PCDH15: variants seen among roughly 807,000 people sequenced by gnomAD.
PCDH15 encodes protocadherin related 15.
In PCDH15, 129 loss-of-function variants were observed where a neutral mutation model predicts 178.5. That is an observed-to-expected ratio of 0.72 (90% confidence interval 0.63 to 0.84). The LOEUF (loss-of-function observed/expected upper bound fraction) is 0.84. PCDH15 is among the 40% of genes least tolerant of loss of function. The probability of loss-of-function intolerance (pLI) is 0.00; values close to 1 mark genes in which losing one functional copy is unlikely to be tolerated. For synonymous variants in PCDH15, 800 were observed against 732.0 expected (o/e 1.09, Z -1.50); for missense variants, 2,230 against 2,099.9 (o/e 1.06, Z -1.21).
At chr10:54,261,091 C>T (rs6481078) in intron 8 of PCDH15, among the ~76,000 whole-genome samples, 104,244 of 151,908 alleles carry the variant, frequency 0.69, 36,715 homozygotes, top group Middle Eastern at 0.76. Flanking sequence ...CTCTTAGAGA[C>T]AAAATAATCA....
intron 8 of PCDH15, among the ~76,000 whole-genome samples, chr10:54,286,341 A>G (rs2059023795): frequency 6.6e-6 from 1 of 152,164 alleles, no homozygotes; most frequent in African/African-American, 2.4e-5. Flanking sequence ...ATGTGTCAAA[A>G]ACAAAATTTT....
intron 2 of PCDH15, among the ~76,000 whole-genome samples, chr10:54,990,623 ATACAG>A (rs1475206380): frequency 6.6e-6 from 1 of 152,186 alleles, no homozygotes; most frequent in East Asian, 1.9e-4. Context: ...TAGGTAATAC[ATACAG>A]TACATGTTTA....
chr10:54,877,960 T>TGAAACGGAG, intron 3 of PCDH15, among the ~76,000 whole-genome samples: 1 of 39,482 alleles, frequency 2.5e-5, no homozygotes, highest in Non-Finnish European at 4.7e-5. Context: ...TTTTTTTTTT[T>TGAAACGGAG]TTTTTTTTTT....
intron 2 of PCDH15, among the ~76,000 whole-genome samples, chr10:55,128,245 T>A (rs1418504730): frequency 6.6e-6 from 1 of 151,978 alleles, no homozygotes; most frequent in Non-Finnish European, 1.5e-5. Context: ...TTTTTTCTAT[T>A]TGCATATTAA....
chr10:53,985,548 A>T (rs2091036387), intron 21 of PCDH15, among the ~76,000 whole-genome samples: 1 of 152,160 alleles, frequency 6.6e-6, no homozygotes, highest in African/African-American at 2.4e-5. Context: ...GAAGCCAAAC[A>T]AGCTGTAGCA....
intron 2 of PCDH15, among the ~76,000 whole-genome samples, chr10:55,352,383 T>G (rs1383087328): frequency 6.6e-6 from 1 of 152,094 alleles, no homozygotes; most frequent in Non-Finnish European, 1.5e-5. Flanking sequence ...TGCATTTGGC[T>G]CAGGAGTTGC....
At chr10:55,254,085 G>C (rs16907178) in intron 1 of PCDH15, among the ~76,000 whole-genome samples, 2 of 152,088 alleles carry the variant, frequency 1.3e-5, no homozygotes, top group Non-Finnish European at 1.5e-5. Context: ...GCATGAAAAC[G>C]CATTTATTAC....
chr10:54,439,936 A>T (rs73255923), intron 3 of PCDH15, among the ~76,000 whole-genome samples: 3,791 of 152,152 alleles, frequency 0.025, 169 homozygotes, highest in African/African-American at 0.087. Flanking sequence ...CTACGAATAG[A>T]TTTATCCTTA....
At chr10:54,897,514 G>T (rs985646063) in intron 2 of PCDH15, 8 of 152,120 alleles carry the variant, frequency 5.3e-5, no homozygotes, top group Non-Finnish European at 1.2e-4. Context: ...TAAATAAAAA[G>T]AACTTATTCA....
rs191274811 is a variant in PCDH15, at chr10:54,902,372, A to T, written c.-79-4872T>A. ...GAGGCTGGTGGGAGATGATTGGATT[A>T]TGGGGTCAGATTTCTCCCTTGTCAT... On this transcript the variant is annotated intron_variant, in intron 2 of 5. Coordinates refer to the PCDH15 transcript ENST00000458638. 3.3e-5 allele frequency among the ~76,000 whole-genome samples: 5 copies of T among 152,238 alleles called. No homozygotes were observed. In the East Asian group the frequency reaches 7.7e-4, roughly 24 times the overall value.
At chr10:54,732,082 C>A (rs1474858409) in intron 1 of PCDH15, among the ~76,000 whole-genome samples, 3 of 145,934 alleles carry the variant, frequency 2.1e-5, no homozygotes, top group Non-Finnish European at 3.0e-5. Flanking sequence ...TGAATCAATG[C>A]AAAAATTGGA....
intron 3 of PCDH15, among the ~76,000 whole-genome samples, chr10:54,382,358 A>C (rs1949346052): frequency 6.6e-6 from 1 of 152,174 alleles, no homozygotes; most frequent in Non-Finnish European, 1.5e-5. Context: ...GTAACTGCTA[A>C]TATAGACTCT....
intron 1 of PCDH15, among the ~76,000 whole-genome samples, chr10:54,778,600 A>G (rs1258294966): frequency 6.6e-6 from 1 of 152,186 alleles, no homozygotes; most frequent in Non-Finnish European, 1.5e-5. Flanking sequence ...GGAATAATGT[A>G]CAGTGGTAAA....
chr10:55,176,053 T>A (rs1839476139), intron 1 of PCDH15, among the ~76,000 whole-genome samples: 2 of 151,886 alleles, frequency 1.3e-5, no homozygotes. Context: ...CAAGGGCTCC[T>A]CTCTCCAGCT....
intron 1 of PCDH15, among the ~76,000 whole-genome samples, chr10:54,780,848 T>C (rs747344315): frequency 2.0e-5 from 3 of 151,914 alleles, no homozygotes; most frequent in Non-Finnish European, 2.9e-5. Context: ...TTGAATGATA[T>C]AGATGCCCGA....
intron 8 of PCDH15, among the ~76,000 whole-genome samples, chr10:54,303,253 G>A (rs1327541857): frequency 6.6e-6 from 1 of 151,932 alleles, no homozygotes; most frequent in African/African-American, 2.4e-5. Flanking sequence ...ATCTCTGTAT[G>A]CATTTTTTTT....
chr10:54,801,472 G>C (rs944140449), upstream of PCDH15, among the ~76,000 whole-genome samples: 1 of 152,164 alleles, frequency 6.6e-6, no homozygotes, highest in African/African-American at 2.4e-5. Flanking sequence ...CTGCTTTATT[G>C]TACTGTGTTC....
At chr10:55,321,109 AAGAG>A (rs1028486655), upstream of PCDH15, among the ~76,000 whole-genome samples, 3 of 152,054 alleles carry the variant, frequency 2.0e-5, no homozygotes, top group East Asian at 3.9e-4. Flanking sequence ...GAAGGAAGGA[AAGAG>A]AGAGAAAGAG....
chr10:53,903,196 AC>A (rs2082437383), intron 26 of PCDH15, 46 bp downstream of exon 26: 1 of 1,606,578 alleles, frequency 6.2e-7, no homozygotes, highest in Admixed American at 1.7e-5. Flanking sequence ...TATCTGCAAA[AC>A]CTGAGCTTTT....
Sources: gnomAD v4.1 joint callset for allele counts (sites outside exome capture counted in the v4.1 genomes callset) on GRCh38, gnomAD v4.1.1 for gene constraint, MANE v1.5 for transcripts, NCBI Gene and HGNC (gene_info 2026-07-23, HGNC 2026-07-21) for gene names.